Variants in SHANK2 observed in about 807,000 individuals in gnomAD.
The protein encoded by SHANK2 is SH3 and multiple ankyrin repeat domains 2, also known as SH3 and multiple ankyrin repeat domains protein 2.
Under a neutral mutation model 133.7 loss-of-function variants are expected in SHANK2, and 43 were observed. The ratio of observed to expected loss-of-function variants is 0.32; its 90% confidence interval spans 0.25 to 0.41. The LOEUF is 0.41. Ranked by LOEUF, SHANK2 falls within the 10% of genes least tolerant of loss-of-function variation. The probability of loss-of-function intolerance (pLI) is 1.00; values close to 1 mark genes in which losing one functional copy is unlikely to be tolerated. For missense variants in SHANK2, 1,994 were observed against 2,235.8 expected, an observed-to-expected ratio of 0.89 and a Z score of 2.18; for synonymous variants, 1,017 against 952.8, an observed-to-expected ratio of 1.07 and a Z score of -1.24.
At chr11:70,502,347 A>C in intron 18 of SHANK2, 61 bp from the exon 19 acceptor site, 1 of 1,479,470 alleles carries the variant, frequency 6.8e-7, no homozygotes, top group African/African-American at 1.4e-5. Context: ...TATGGGAATA[A>C]GGCTAGCAGT....
intron 14 of SHANK2, among the ~76,000 whole-genome samples, chr11:70,725,444 G>A (rs949080014): frequency 3.9e-5 from 6 of 152,176 alleles, no homozygotes; most frequent in African/African-American, 1.2e-4. Context: ...GCCCAGACCC[G>A]CTCCTCCCAA....
At chr11:70,889,978 G>A (rs1555074331) in intron 11 of SHANK2, among the ~76,000 whole-genome samples, 1 of 152,168 alleles carries the variant, frequency 6.6e-6, no homozygotes, top group African/African-American at 2.4e-5. Context: ...GTTTTCCTGA[G>A]CGGGTGTGGT....
chr11:70,570,081 G>A (rs781825116), intron 17 of SHANK2, among the ~76,000 whole-genome samples: 1 of 152,254 alleles, frequency 6.6e-6, no homozygotes, highest in Admixed American at 6.5e-5. Flanking sequence ...ATAAGCTGTC[G>A]CTACCTGACT....
At chr11:70,710,184 G>A (rs1401371071) in intron 14 of SHANK2, among the ~76,000 whole-genome samples, 6 of 152,168 alleles carry the variant, frequency 3.9e-5, no homozygotes, top group Admixed American at 3.9e-4. Context: ...ACAGGGCCTT[G>A]ACCCCTACTG....
At chr11:70,847,686 G>A (rs1156257110) in intron 11 of SHANK2, among the ~76,000 whole-genome samples, 3 of 152,198 alleles carry the variant, frequency 2.0e-5, no homozygotes, top group African/African-American at 7.2e-5. Flanking sequence ...ACTCCACTCA[G>A]GTTCCGAGTT....
intron 11 of SHANK2, among the ~76,000 whole-genome samples, chr11:70,893,781 C>T (rs1949890098): frequency 6.6e-6 from 1 of 152,182 alleles, no homozygotes; most frequent in South Asian, 2.1e-4. Context: ...CACTGACTCC[C>T]TGCGTAAGCT....
At chr11:71,246,399 C>T (rs1201240010) in intron 1 of SHANK2, among the ~76,000 whole-genome samples, 1 of 148,604 alleles carries the variant, frequency 6.7e-6, no homozygotes, top group Non-Finnish European at 1.5e-5. Context: ...GCAGGACACC[C>T]CCAAGTCTGC....
At chr11:71,231,164 T>C (rs184365955) in intron 1 of SHANK2, among the ~76,000 whole-genome samples, 1 of 152,294 alleles carries the variant, frequency 6.6e-6, no homozygotes, top group East Asian at 1.9e-4. Context: ...GCAAACCACA[T>C]ATTTAACAAA....
chr11:70,666,231 C>T (rs1194298940), intron 15 of SHANK2, among the ~76,000 whole-genome samples: 1 of 152,150 alleles, frequency 6.6e-6, no homozygotes, highest in East Asian at 1.9e-4. Flanking sequence ...AGAGAGGAAA[C>T]AGAAAAGGCA....
At chr11:70,512,185 G>A (rs1407434905) in intron 17 of SHANK2, among the ~76,000 whole-genome samples, 1 of 152,180 alleles carries the variant, frequency 6.6e-6, no homozygotes, top group African/African-American at 2.4e-5. Context: ...AGGATGTTTA[G>A]CAGTGTCCCT....
intron 25 of SHANK2, among the ~76,000 whole-genome samples, chr11:70,480,699 C>A (rs2058721423): frequency 6.6e-6 from 1 of 152,248 alleles, no homozygotes; most frequent in Non-Finnish European, 1.5e-5. Flanking sequence ...GACGGAATTG[C>A]TGCCCCATTC....
intron 11 of SHANK2, among the ~76,000 whole-genome samples, chr11:70,891,382 G>A (rs1407298158): frequency 6.6e-6 from 1 of 151,616 alleles, no homozygotes; most frequent in South Asian, 2.1e-4. Context: ...GGCGCCCGTA[G>A]TCCCAGCTAC....
Position 70,487,345 on chromosome 11 carries a change from T to C in SHANK2, c.2948A>G (p.Gln983Arg), listed in dbSNP as rs782172051. The change falls in exon 25 of 26, where the codon CAG becomes CGG. Residue 983 changes from glutamine to arginine, a missense_variant. Gln to Arg is a conservative substitution (Grantham distance 43). Transcript: ENST00000601538. The surrounding 1 kb of genome is among the most constrained non-coding windows in gnomAD (Gnocchi z 5.8). ...PQANFRNKRG[Q>R]MPENPYSEVG... ...CTCTGAGTATGGGTTTTCTGGCATCTGGCCTCTCTTGTTGCGGAAGTTGGC... is the reference window on the plus strand; with the variant it reads ...CTCTGAGTATGGGTTTTCTGGCATCCGGCCTCTCTTGTTGCGGAAGTTGGC... The C allele has an allele frequency of 6.2e-7, 1 of 1,614,184 alleles. No homozygotes were observed.
At chr11:70,902,321 T>C (rs1950034563) in intron 10 of SHANK2, among the ~76,000 whole-genome samples, 1 of 152,164 alleles carries the variant, frequency 6.6e-6, no homozygotes, top group Non-Finnish European at 1.5e-5. Context: ...CAACAGTCTG[T>C]GTTTCTCTTC....
chr11:70,597,091 G>A (rs1554989738), intron 17 of SHANK2, among the ~76,000 whole-genome samples: 1 of 152,062 alleles, frequency 6.6e-6, no homozygotes, highest in Non-Finnish European at 1.5e-5. Flanking sequence ...CGGTGCTCAG[G>A]GGGTGACTGT....
chr11:70,502,306 T>C lies in SHANK2; in HGVS notation c.2198-20A>G. 6.5e-7 allele frequency: 1 copy of C among 1,548,676 alleles called. No homozygotes were observed. Among genetic ancestry groups the C allele is most frequent in the Non-Finnish European group, 8.7e-7 (1 of 1,146,130 alleles). Reference sequence around the variant, plus strand: ...GGGGAGCTGGAGGGCAGAGGAGAGATGGGTGTGAGACCCCAGCCCATGTTT... The same window carrying C: ...GGGGAGCTGGAGGGCAGAGGAGAGACGGGTGTGAGACCCCAGCCCATGTTT... On this transcript the variant is annotated intron_variant, in intron 18 of 25. Transcript: ENST00000601538.
chr11:71,210,368 C>T (rs1335871510), intron 2 of SHANK2, among the ~76,000 whole-genome samples: 1 of 150,690 alleles, frequency 6.6e-6, no homozygotes, highest in Non-Finnish European at 1.5e-5. Context: ...CCTGCCTCAG[C>T]CTCCCGAGTA....
chr11:70,574,231 G>A (rs2060087566), intron 17 of SHANK2, among the ~76,000 whole-genome samples: 1 of 152,246 alleles, frequency 6.6e-6, no homozygotes, highest in African/African-American at 2.4e-5. Context: ...ACAGACTGCG[G>A]AGGTGTGGCC....
At chr11:70,615,367 G>A (rs1287156605) in intron 17 of SHANK2, among the ~76,000 whole-genome samples, 1 of 152,144 alleles carries the variant, frequency 6.6e-6, no homozygotes, top group African/African-American at 2.4e-5. Context: ...AATAACCATA[G>A]AATGTGCTAG....
Sources: allele counts gnomAD v4.1 joint callset (sites outside exome capture counted in the v4.1 genomes callset), GRCh38; gene constraint gnomAD v4.1.1; non-coding constraint Gnocchi (gnomAD v3.1); transcripts MANE v1.5; gene names NCBI Gene and HGNC (gene_info 2026-07-23, HGNC 2026-07-21).